POU6F2: variants seen among roughly 807,000 people sequenced by gnomAD.
POU6F2 encodes the protein POU class 6 homeobox 2, also known as POU domain, class 6, transcription factor 2.
In POU6F2, 31 loss-of-function variants were observed where a neutral mutation model predicts 71.3. That is an observed-to-expected ratio of 0.43 (90% CI 0.33 to 0.59). The LOEUF is 0.59. Among genes scored for constraint, POU6F2 ranks in the 20% least tolerant of loss-of-function variants. The pLI, the probability that POU6F2 is intolerant of heterozygous loss-of-function variation, is 0.04. For missense variants in POU6F2, 783 were observed against 856.8 expected (o/e 0.91, Z 1.07); for synonymous variants, 347 against 355.7 (o/e 0.98, Z 0.27).
At chr7:39,005,483 C>T (rs953419372) in intron 1 of POU6F2, among the ~76,000 whole-genome samples, 1 of 12,360 alleles carries the variant, frequency 8.1e-5, no homozygotes, top group Non-Finnish European at 3.8e-4. Context: ...AAGGGAGAAA[C>T]CTGTGTGTGT....
rs1380904401 is a variant in POU6F2 at position 38,977,910 on chromosome 7, C to G, written c.-44C>G. On this transcript the variant is annotated 5_prime_UTR_variant, in exon 1 of 10. Transcript: ENST00000518318. ...GGTGGAGCAGCTTGACTTTTTTTCCCCTTGCTTTTGGTGATGGTTGTGAGT... is the reference window on the plus strand; with the variant it reads ...GGTGGAGCAGCTTGACTTTTTTTCCGCTTGCTTTTGGTGATGGTTGTGAGT... 1.3e-5 allele frequency: 2 copies of G among 152,278 alleles called. No homozygotes were observed. Among genetic ancestry groups the G allele is most frequent in the East Asian group, 3.8e-4 (2 of 5,204 alleles). 9.4% of individuals were successfully genotyped at this position (152,278 alleles called of 1,614,324 possible).
intron 4 of POU6F2, among the ~76,000 whole-genome samples, chr7:39,328,444 G>A (rs555374321): frequency 6.6e-6 from 1 of 152,292 alleles, no homozygotes; most frequent in Middle Eastern, 3.4e-3. Flanking sequence ...TTCAAGAGAA[G>A]GTTCATGCCA....
chr7:39,068,762 C>T (rs1427697320), intron 1 of POU6F2, among the ~76,000 whole-genome samples: 2 of 152,096 alleles, frequency 1.3e-5, no homozygotes, highest in Admixed American at 6.5e-5. Context: ...ATTGCTGTGG[C>T]CTGCTTTCTT....
intron 5 of POU6F2, among the ~76,000 whole-genome samples, chr7:39,355,518 T>A (rs1047733037): frequency 6.6e-6 from 1 of 152,136 alleles, no homozygotes; most frequent in Non-Finnish European, 1.5e-5. Flanking sequence ...GACCCAGCTT[T>A]TCAGGTAGAC....
At chr7:39,263,915 A>T (rs1182689109) in intron 4 of POU6F2, among the ~76,000 whole-genome samples, 1 of 152,266 alleles carries the variant, frequency 6.6e-6, no homozygotes, top group African/African-American at 2.4e-5. Flanking sequence ...TGCTGATAGA[A>T]TAAAGATGTG....
chr7:39,361,571 C>T lies in POU6F2; in HGVS notation c.972+21556C>T, dbSNP rs377061726. 8.5e-5 allele frequency among the ~76,000 whole-genome samples: 13 copies of T among 152,332 alleles called. 1 individual carries two copies. Among genetic ancestry groups the T allele is most frequent in the Admixed American group, 2.0e-4 (3 of 15,308 alleles). ...GAGTGACAATATGATAGCCTTCAGGCTTGCTGCTGGAAATTATTATTTAAC... is the reference window on the plus strand; with the variant it reads ...GAGTGACAATATGATAGCCTTCAGGTTTGCTGCTGGAAATTATTATTTAAC... On this transcript the variant is annotated intron_variant, in intron 5 of 9. Transcript: ENST00000518318.
At chr7:39,416,469 G>A (rs1166793015) in intron 6 of POU6F2, among the ~76,000 whole-genome samples, 1 of 152,154 alleles carries the variant, frequency 6.6e-6, no homozygotes, top group Non-Finnish European at 1.5e-5. Flanking sequence ...ATCTTCTGTT[G>A]TGCTGAAGAT....
intron 4 of POU6F2, among the ~76,000 whole-genome samples, chr7:39,246,360 T>TACTACCAAAGGGGAA (rs1783820759): frequency 6.6e-6 from 1 of 152,156 alleles, no homozygotes. Flanking sequence ...TTGTGATTAG[T>TACTACCAAAGGGGAA]ACTACCAAAG....
intron 7 of POU6F2, among the ~76,000 whole-genome samples, chr7:39,441,932 T>A (rs1788415853): frequency 6.6e-6 from 1 of 152,126 alleles, no homozygotes; most frequent in African/African-American, 2.4e-5. Flanking sequence ...TGTAAAGCAG[T>A]TAGCAAGGAA....
chr7:39,129,923 C>G (rs556632137), intron 2 of POU6F2, among the ~76,000 whole-genome samples: 3 of 151,704 alleles, frequency 2.0e-5, no homozygotes, highest in Non-Finnish European at 2.9e-5. Context: ...AAAAATTAGC[C>G]GGGCGTGGTG....
chr7:39,421,184 C>T (rs1471259215), intron 6 of POU6F2, among the ~76,000 whole-genome samples: 2 of 151,900 alleles, frequency 1.3e-5, no homozygotes, highest in East Asian at 1.9e-4. Flanking sequence ...TTATGAGTTA[C>T]GGTCTTTGTT....
At chr7:39,088,766 C>T (rs1791306613) in intron 2 of POU6F2, among the ~76,000 whole-genome samples, 1 of 151,998 alleles carries the variant, frequency 6.6e-6, no homozygotes, top group Non-Finnish European at 1.5e-5. Context: ...TTTTATTGTA[C>T]CTGAAATTTC....
At chr7:39,200,767 T>A (rs1458930679) in intron 2 of POU6F2, among the ~76,000 whole-genome samples, 1 of 151,974 alleles carries the variant, frequency 6.6e-6, no homozygotes, top group African/African-American at 2.4e-5. Flanking sequence ...CCCAGCACTT[T>A]GGGAGGCTAA....
At position 39,253,994 on chromosome 7, in the gene POU6F2, G is replaced by A. The variant is rs78699488; in HGVS notation, c.598+46374G>A. On this transcript the variant is annotated intron_variant, in intron 4 of 9. Transcript: ENST00000518318. ...CATTTGAAAGTCAGGACACTTAAGGGCCATTGGAAAATCAGTACAAGGAGA... is the reference window on the plus strand; with the variant it reads ...CATTTGAAAGTCAGGACACTTAAGGACCATTGGAAAATCAGTACAAGGAGA... 3.4e-3 allele frequency among the ~76,000 whole-genome samples: 515 copies of A among 152,200 alleles called. 5 individuals carry two copies. Among genetic ancestry groups the A allele is most frequent in the African/African-American group, 0.012 (499 of 41,536 alleles).
At chr7:39,150,854 T>C (rs924332664) in intron 2 of POU6F2, among the ~76,000 whole-genome samples, 1 of 152,028 alleles carries the variant, frequency 6.6e-6, no homozygotes, top group African/African-American at 2.4e-5. Context: ...TTTTTGATAA[T>C]GGTTATCCTT....
chr7:39,393,611 A>G (rs373095901), intron 5 of POU6F2, among the ~76,000 whole-genome samples: 6 of 152,170 alleles, frequency 3.9e-5, no homozygotes, highest in African/African-American at 1.2e-4. Flanking sequence ...CAGACCAACA[A>G]CAAATGGCTT....
rs145454762 is a variant in POU6F2, at chr7:39,193,560, G to C, written c.278-10675G>C. On this transcript the variant is annotated intron_variant, in intron 2 of 9. Transcript: ENST00000518318. ...TATCACTCACTAACTGTGACCACAC[G>C]TGAATTACTTAACCTGTCTAAACCT... Among the ~76,000 whole-genome samples the C allele has an allele frequency of 3.3e-3, 499 of 152,306 alleles. 3 individuals carry two copies. Among genetic ancestry groups the C allele is most frequent in the Middle Eastern group, 6.8e-3 (2 of 294 alleles).
intron 6 of POU6F2, among the ~76,000 whole-genome samples, chr7:39,431,260 G>A (rs1788093288): frequency 6.6e-6 from 1 of 152,114 alleles, no homozygotes; most frequent in Non-Finnish European, 1.5e-5. Context: ...CTTGACATCC[G>A]CACAAGTCCT....
chr7:39,368,039 G>A (rs1216611188), intron 5 of POU6F2, among the ~76,000 whole-genome samples: 1 of 152,112 alleles, frequency 6.6e-6, no homozygotes, highest in Non-Finnish European at 1.5e-5. Context: ...GCACTACAAT[G>A]TTGAAATTAG....
Sources: gnomAD v4.1 joint callset for allele counts (sites outside exome capture counted in the v4.1 genomes callset) on GRCh38, gnomAD v4.1.1 for gene constraint, MANE v1.5 for transcripts, NCBI Gene and HGNC (gene_info 2026-07-23, HGNC 2026-07-21) for gene names.